Variants in ADRA1A observed in about 807,000 individuals in gnomAD.
The protein encoded by ADRA1A is adrenoceptor alpha 1A, also known as alpha-1A adrenergic receptor.
Under a neutral mutation model 29.6 loss-of-function variants are expected in ADRA1A, and 31 were observed. That is an observed-to-expected ratio of 1.05 (90% confidence interval 0.79 to 1.41). ADRA1A has a LOEUF of 1.41. Among genes scored for constraint, ADRA1A ranks in the 40% most tolerant of loss-of-function variants. The pLI is 0.00. For synonymous variants in ADRA1A, 311 were observed against 254.3 expected (o/e 1.22, Z -2.12); for missense variants, 619 against 601.1 (o/e 1.03, Z -0.31).
intron 2 of ADRA1A, among the ~76,000 whole-genome samples, chr8:26,782,419 C>T (rs558706489): frequency 7.9e-5 from 12 of 152,264 alleles, no homozygotes; most frequent in South Asian, 4.2e-4. Context: ...AATTTTAACA[C>T]GCAGAAAGGG....
At chr8:26,849,328 A>G (rs1812444704) in intron 2 of ADRA1A, among the ~76,000 whole-genome samples, 1 of 152,166 alleles carries the variant, frequency 6.6e-6, no homozygotes. Context: ...GTAAATCTCA[A>G]TGCTTACATC....
At chr8:26,839,568 A>C (rs1480141076) in intron 2 of ADRA1A, among the ~76,000 whole-genome samples, 1 of 152,186 alleles carries the variant, frequency 6.6e-6, no homozygotes, top group African/African-American at 2.4e-5. Flanking sequence ...GCTAGTCTCC[A>C]CCTTGAAGTC....
At chr8:26,824,271 C>T (rs530953842) in intron 2 of ADRA1A, among the ~76,000 whole-genome samples, 1 of 151,872 alleles carries the variant, frequency 6.6e-6, no homozygotes, top group African/African-American at 2.4e-5. Flanking sequence ...AGTGACTCAT[C>T]CTGGGTAACA....
rs1810315752 is a variant in ADRA1A, at chr8:26,823,302, G to C, written c.883+40785C>G. Among the ~76,000 whole-genome samples, 1 of 152,058 alleles carries C rather than the reference G, an allele frequency of 6.6e-6. No individual in the cohort carries two copies. Among genetic ancestry groups the C allele is most frequent in the South Asian group, 2.1e-4 (1 of 4,822 alleles). ...TCCACACTGTCACGTGCTGGGGGCT[G>C]GGCATGGGCGGTGACTTCCATCTGC... On this transcript the variant is annotated intron_variant, in intron 2 of 2. Transcript: ENST00000380573. The surrounding 1 kb of genome is among the most constrained non-coding windows in gnomAD (Gnocchi z 4.2).
At chr8:26,765,150 C>T (rs1270423168), downstream of ADRA1A, among the ~76,000 whole-genome samples, 2 of 152,180 alleles carry the variant, frequency 1.3e-5, no homozygotes, top group Admixed American at 1.3e-4. Context: ...GCTCCTAAAC[C>T]CCTCTAACCC....
Position 26,860,997 on chromosome 8 carries a change from C to T in ADRA1A, c.883+3090G>A, listed in dbSNP as rs1316223673. On this transcript the variant is annotated intron_variant, in intron 2 of 2. Transcript: ENST00000380573. The surrounding 1 kb of genome is among the most constrained non-coding windows in gnomAD (Gnocchi z 4.7). Reference sequence around the variant, plus strand: ...GTTCCCACTTTTTTTATCCTTTGTTCTTTCTAGAAAGTACACAATCAGGCT... The same window carrying T: ...GTTCCCACTTTTTTTATCCTTTGTTTTTTCTAGAAAGTACACAATCAGGCT... Among the ~76,000 whole-genome samples the T allele has an allele frequency of 6.6e-6, 1 of 152,144 alleles. No individual in the cohort carries two copies. Among genetic ancestry groups the T allele is most frequent in the Admixed American group, 6.5e-5 (1 of 15,280 alleles).
chr8:26,764,214 C>T (rs558938613), downstream of ADRA1A, among the ~76,000 whole-genome samples: 1 of 152,306 alleles, frequency 6.6e-6, no homozygotes, highest in East Asian at 1.9e-4. Flanking sequence ...CCCAAACTCC[C>T]TTTGGGACCT....
At chr8:26,785,397 C>T (rs7828716) in intron 2 of ADRA1A, among the ~76,000 whole-genome samples, 1 of 152,090 alleles carries the variant, frequency 6.6e-6, no homozygotes, top group Non-Finnish European at 1.5e-5. Context: ...GCTGAGCTGA[C>T]GTCTGGACTA....
chr8:26,800,171 A>C (rs558699627), intron 2 of ADRA1A, among the ~76,000 whole-genome samples: 10 of 152,270 alleles, frequency 6.6e-5, no homozygotes, highest in African/African-American at 2.4e-4. Context: ...AGGCAAGAGA[A>C]TTGCTTGAAC....
intron 2 of ADRA1A, chr8:26,836,229 GC>G: frequency 4.2e-6 from 1 of 235,812 alleles, no homozygotes; most frequent in Non-Finnish European, 9.3e-6. Context: ...CATGTCTTTT[GC>G]CAAGGTGCTG....
At chr8:26,813,342 A>G (rs532075973) in intron 2 of ADRA1A, among the ~76,000 whole-genome samples, 1 of 152,358 alleles carries the variant, frequency 6.6e-6, no homozygotes, top group East Asian at 1.9e-4. Flanking sequence ...CAAAACAACT[A>G]TAAGGTATCC....
At chr8:26,812,778 C>T (rs1164825895) in intron 2 of ADRA1A, among the ~76,000 whole-genome samples, 1 of 151,814 alleles carries the variant, frequency 6.6e-6, no homozygotes, top group Non-Finnish European at 1.5e-5. Flanking sequence ...CATTCTCCTG[C>T]CTCAGCCTCC....
At chr8:26,861,940 GC>G in intron 2 of ADRA1A, among the ~76,000 whole-genome samples, 1 of 151,530 alleles carries the variant, frequency 6.6e-6, no homozygotes, top group South Asian at 2.1e-4. Context: ...TTCTGCTCTT[GC>G]CCCCAAACAG....
At chr8:26,777,601 A>G (rs576634873) in intron 2 of ADRA1A, among the ~76,000 whole-genome samples, 6 of 152,190 alleles carry the variant, frequency 3.9e-5, no homozygotes, top group Non-Finnish European at 7.3e-5. Flanking sequence ...CTCTCCATTC[A>G]TGTATCTGAG....
chr8:26,844,842 T>G (rs770933633), intron 2 of ADRA1A, among the ~76,000 whole-genome samples: 6 of 152,194 alleles, frequency 3.9e-5, no homozygotes, highest in Non-Finnish European at 7.4e-5. Context: ...TTCAATCTTT[T>G]GGCTTCCCTG....
intron 2 of ADRA1A, among the ~76,000 whole-genome samples, chr8:26,801,766 C>T (rs1268612774): frequency 6.6e-6 from 1 of 151,944 alleles, no homozygotes; most frequent in African/African-American, 2.4e-5. Flanking sequence ...TATGGAACCA[C>T]AAAAAACCAG....
intron 2 of ADRA1A, among the ~76,000 whole-genome samples, chr8:26,828,167 T>G (rs1810723405): frequency 6.6e-6 from 1 of 152,202 alleles, no homozygotes; most frequent in Non-Finnish European, 1.5e-5. Flanking sequence ...GTGCTAAGAT[T>G]ACAGGTATGA....
rs562937420 is a variant in ADRA1A, at chr8:26,769,984, G to C, written c.*165C>G. 1.4e-6 allele frequency: 2 copies of C among 1,427,626 alleles called. No individual in the cohort carries two copies. Among genetic ancestry groups the C allele is most frequent in the Non-Finnish European group, 9.1e-7 (1 of 1,095,282 alleles). 88.4% of individuals were successfully genotyped at this position (1,427,626 alleles called of 1,614,324 possible). ...TTGTGAGACACCCTCCCTCTTCCCT[G>C]TGCCCTACCCGCTGCCTGATGAGTT... On this transcript the variant is annotated 3_prime_UTR_variant, in exon 3 of 3. Coordinates refer to ENST00000380573, the MANE Select transcript of ADRA1A (RefSeq NM_000680.4).
At chr8:26,794,194 A>G (rs1808028623) in intron 2 of ADRA1A, among the ~76,000 whole-genome samples, 1 of 152,110 alleles carries the variant, frequency 6.6e-6, no homozygotes, top group South Asian at 2.1e-4. Flanking sequence ...GAACACTTTC[A>G]TTTCAAGGAT....
Sources: gnomAD v4.1 joint callset for allele counts (sites outside exome capture counted in the v4.1 genomes callset) on GRCh38, gnomAD v4.1.1 for gene constraint, Gnocchi (gnomAD v3.1) non-coding constraint, MANE v1.5 for transcripts, NCBI Gene and HGNC (gene_info 2026-07-23, HGNC 2026-07-21) for gene names.